CACNA2D3: variants seen among roughly 807,000 people sequenced by gnomAD.
CACNA2D3 encodes the protein voltage-dependent calcium channel subunit alpha-2/delta-3.
CACNA2D3 carries 60 observed loss-of-function variants against 160.6 expected under a neutral mutation model. That is an observed-to-expected ratio of 0.37 (90% confidence interval 0.30 to 0.46). The LOEUF is 0.46. Ranked by LOEUF, CACNA2D3 falls within the 20% of genes least tolerant of loss-of-function variation. CACNA2D3 has a pLI of 1.00. For synonymous variants in CACNA2D3, 558 were observed against 492.9 expected (o/e 1.13, Z -1.75); for missense variants, 1,205 against 1,365.0 (o/e 0.88, Z 1.85).
At chr3:54,192,319 A>C (rs1385606435) in intron 2 of CACNA2D3, among the ~76,000 whole-genome samples, 1 of 152,214 alleles carries the variant, frequency 6.6e-6, no homozygotes, top group East Asian at 1.9e-4. Context: ...TTGCAGTTAC[A>C]AACGGAGCTT....
intron 2 of CACNA2D3, among the ~76,000 whole-genome samples, chr3:54,240,924 T>G (rs1701963403): frequency 6.6e-6 from 1 of 152,024 alleles, no homozygotes; most frequent in Admixed American, 6.6e-5. Context: ...GTATTTTGAG[T>G]AGAGACGGGT....
chr3:54,256,869 C>T (rs1268237211), intron 2 of CACNA2D3, among the ~76,000 whole-genome samples: 1 of 151,926 alleles, frequency 6.6e-6, no homozygotes, highest in Non-Finnish European at 1.5e-5. Flanking sequence ...AGGAGCCTCT[C>T]TGATTAACAG....
At chr3:55,019,655 T>C (rs971842860) in intron 35 of CACNA2D3, among the ~76,000 whole-genome samples, 2 of 152,202 alleles carry the variant, frequency 1.3e-5, no homozygotes, top group Non-Finnish European at 2.9e-5. Flanking sequence ...TCGACTTGTT[T>C]GTGTATGGAT....
rs1039412577 is a variant in CACNA2D3, at chr3:54,599,014, A to G, written c.963+17137A>G. Among the ~76,000 whole-genome samples, 4 of 152,310 alleles carry G rather than the reference A, an allele frequency of 2.6e-5. No individual in the cohort carries two copies. In the South Asian group the frequency reaches 8.3e-4, roughly 32 times the overall value. On this transcript the variant is annotated intron_variant, in intron 9 of 37. Transcript: ENST00000474759. Reference sequence around the variant, plus strand: ...TTTATGGCAGGTGACAACGATAGGAAGATATGAAAGAAAATGCAACTAGCA... The same window carrying G: ...TTTATGGCAGGTGACAACGATAGGAGGATATGAAAGAAAATGCAACTAGCA...
At chr3:54,928,459 C>T (rs1191519450) in intron 27 of CACNA2D3, among the ~76,000 whole-genome samples, 1 of 152,130 alleles carries the variant, frequency 6.6e-6, no homozygotes, top group Non-Finnish European at 1.5e-5. Flanking sequence ...AGCAGCAGAG[C>T]CCGCAGAGTG....
chr3:54,610,130 TA>T (rs780425958), intron 9 of CACNA2D3, among the ~76,000 whole-genome samples: 66 of 152,284 alleles, frequency 4.3e-4, no homozygotes, highest in Admixed American at 7.2e-4. Flanking sequence ...GTGTCTCTTA[TA>T]AAAACGCTAG....
intron 27 of CACNA2D3, among the ~76,000 whole-genome samples, chr3:54,921,925 A>T (rs1167795392): frequency 2.0e-5 from 3 of 148,922 alleles, no homozygotes; most frequent in African/African-American, 7.3e-5. Flanking sequence ...TTTTTAAAAG[A>T]AGATCTTGAC....
At position 54,918,824 on chromosome 3, in the gene CACNA2D3, G is replaced by A. The variant is rs200529761; in HGVS notation, c.2449+18956G>A. 28 of 1,600,718 alleles carry A rather than the reference G, an allele frequency of 1.7e-5. No individual in the cohort carries two copies. The Admixed American group carries it at 4.6e-4, about 26-fold the overall frequency. Reference sequence around the variant, plus strand: ...GGGCAGGGCTGGTACAGCTCATGAGGGATCCTAAGGAGGTCCTTTCCCTTC... The same window carrying A: ...GGGCAGGGCTGGTACAGCTCATGAGAGATCCTAAGGAGGTCCTTTCCCTTC... On this transcript the variant is annotated intron_variant, in intron 27 of 37. Transcript: ENST00000474759.
chr3:54,805,589 C>A (rs1020417281), intron 13 of CACNA2D3, among the ~76,000 whole-genome samples: 1 of 151,378 alleles, frequency 6.6e-6, no homozygotes, highest in Admixed American at 6.6e-5. Context: ...GAGTCCAGGA[C>A]CAGATGGATT....
At chr3:54,491,757 T>C (rs998667755) in intron 4 of CACNA2D3, among the ~76,000 whole-genome samples, 1 of 152,180 alleles carries the variant, frequency 6.6e-6, no homozygotes, top group Non-Finnish European at 1.5e-5. Flanking sequence ...AATTGAATGT[T>C]GCCACAGAGA....
chr3:54,799,498 A>C (rs1235428458), intron 13 of CACNA2D3, among the ~76,000 whole-genome samples: 1 of 152,184 alleles, frequency 6.6e-6, no homozygotes, highest in Admixed American at 6.5e-5. Context: ...TTAAGTTACT[A>C]TACAGATTTC....
intron 13 of CACNA2D3, among the ~76,000 whole-genome samples, chr3:54,768,995 G>A (rs1049316729): frequency 2.0e-5 from 3 of 152,142 alleles, no homozygotes; most frequent in Non-Finnish European, 2.9e-5. Context: ...TAGGTCTGCC[G>A]GGTGAAGAGA....
At chr3:54,561,422 A>G (rs1253126743) in intron 5 of CACNA2D3, among the ~76,000 whole-genome samples, 1 of 152,152 alleles carries the variant, frequency 6.6e-6, no homozygotes, top group Non-Finnish European at 1.5e-5. Context: ...TTGCACATTG[A>G]TGTTGTATCC....
At chr3:54,486,112 T>G (rs539056180) in intron 4 of CACNA2D3, among the ~76,000 whole-genome samples, 1 of 152,306 alleles carries the variant, frequency 6.6e-6, no homozygotes, top group East Asian at 1.9e-4. Flanking sequence ...TATAAATGAA[T>G]GGGCTAAGAA....
At chr3:54,651,953 CTTCCCCACTAA>C (rs1699773319) in intron 11 of CACNA2D3, among the ~76,000 whole-genome samples, 1 of 152,164 alleles carries the variant, frequency 6.6e-6, no homozygotes. Context: ...TTTGTTCTTT[CTTCCCCACTAA>C]ACTGCATTGT....
chr3:54,159,292 C>T (rs1214666194), intron 2 of CACNA2D3, among the ~76,000 whole-genome samples: 1 of 151,824 alleles, frequency 6.6e-6, no homozygotes, highest in Non-Finnish European at 1.5e-5. Context: ...TCCTTCTTGA[C>T]TTTTCCTTGC....
In CACNA2D3 at chr3:54,951,922, C is replaced by G. The variant is rs563392185; in HGVS notation, c.2450-16528C>G. Among the ~76,000 whole-genome samples the G allele has an allele frequency of 1.1e-4, 17 of 152,270 alleles. No homozygotes were observed. In the East Asian group the frequency reaches 3.1e-3, roughly 28 times the overall value. On this transcript the variant is annotated intron_variant, in intron 27 of 37. Coordinates refer to ENST00000474759, the MANE Select transcript of CACNA2D3 (RefSeq NM_018398.3). The stretch of plus-strand genomic sequence containing the variant: ...GGAGTGCAGTGACGCGATCTCGGCT[C>G]ACTGCAACCTCCCTACCCCAGGTTC...
intron 27 of CACNA2D3, among the ~76,000 whole-genome samples, chr3:54,933,938 A>G (rs1294705508): frequency 6.6e-6 from 1 of 151,582 alleles, no homozygotes; most frequent in Non-Finnish European, 1.5e-5. Context: ...CCAGCTAATT[A>G]TTTTGTATTT....
chr3:54,127,648 C>T (rs1300134026), intron 2 of CACNA2D3, among the ~76,000 whole-genome samples: 3 of 152,184 alleles, frequency 2.0e-5, no homozygotes, highest in African/African-American at 4.8e-5. Flanking sequence ...ACCTATGCTG[C>T]GGATGCTTTA....
Sources: gnomAD v4.1 joint callset for allele counts (sites outside exome capture counted in the v4.1 genomes callset) on GRCh38, gnomAD v4.1.1 for gene constraint, MANE v1.5 for transcripts, NCBI Gene and HGNC (gene_info 2026-07-23, HGNC 2026-07-21) for gene names.